The following NELL1 variants were observed in gnomAD, a reference collection of about 807,000 sequenced individuals.
NELL1 encodes protein kinase C-binding protein NELL1.
Under a neutral mutation model 107.4 loss-of-function variants are expected in NELL1, and 76 were observed. The observed-to-expected ratio is 0.71, with a 90% CI of 0.59 to 0.86. The LOEUF is 0.86. Among genes scored for constraint, NELL1 ranks in the 40% least tolerant of loss-of-function variants. The pLI is 0.00. For missense variants in NELL1, 1,024 were observed against 1,005.5 expected, an observed-to-expected ratio of 1.02 and a Z score of -0.25; for synonymous variants, 353 against 341.2, an observed-to-expected ratio of 1.03 and a Z score of -0.38.
At chr11:21,289,513 C>T (rs1388524196) in intron 14 of NELL1, among the ~76,000 whole-genome samples, 1 of 152,224 alleles carries the variant, frequency 6.6e-6, no homozygotes, top group Admixed American at 6.5e-5. Flanking sequence ...GTCTTCGCAA[C>T]TTGCAGACCA....
chr11:21,561,863 C>T (rs953030877), intron 17 of NELL1, among the ~76,000 whole-genome samples: 1 of 151,922 alleles, frequency 6.6e-6, no homozygotes, highest in African/African-American at 2.4e-5. Context: ...ACTCAAAGGG[C>T]AAAAATTTTT....
intron 14 of NELL1, among the ~76,000 whole-genome samples, chr11:21,266,055 C>A (rs1181080314): frequency 6.6e-6 from 1 of 151,976 alleles, no homozygotes; most frequent in African/African-American, 2.4e-5. Context: ...CTGCTACTAG[C>A]CCCTCCTTAA....
chr11:21,137,675 T>C (rs541247401), intron 13 of NELL1, among the ~76,000 whole-genome samples: 2 of 152,064 alleles, frequency 1.3e-5, no homozygotes, highest in Non-Finnish European at 2.9e-5. Context: ...GAAGGCTAGA[T>C]GGGAAAGCAG....
rs139931971 is a variant in NELL1 at position 20,735,042 on chromosome 11, G to A, written c.185-48638G>A. On this transcript the variant is annotated intron_variant, in intron 2 of 19. Coordinates refer to ENST00000357134, the MANE Select transcript of NELL1 (RefSeq NM_006157.5). The stretch of plus-strand genomic sequence containing the variant: ...TAGAGAGGAGGCCTAGACTGATCCC[G>A]GGATCTCTAGCAATTAGTATTAGGA... Among the ~76,000 whole-genome samples the A allele has an allele frequency of 9.3e-3, 1,410 of 152,196 alleles. 14 individuals carry two copies. Among genetic ancestry groups the A allele is most frequent in the Admixed American group, 0.019 (293 of 15,276 alleles).
At chr11:20,880,440 G>T (rs1864338) in intron 4 of NELL1, among the ~76,000 whole-genome samples, 128,123 of 152,248 alleles carry the variant, frequency 0.84, 53,964 homozygotes, top group East Asian at 0.92. Context: ...ATATCCTTAT[G>T]TTTTAAATGA....
intron 12 of NELL1, among the ~76,000 whole-genome samples, chr11:20,984,316 A>G (rs1266573580): frequency 6.6e-6 from 1 of 152,152 alleles, no homozygotes; most frequent in Non-Finnish European, 1.5e-5. Context: ...AAAATGGAAG[A>G]TCTCTGAAGC....
intron 3 of NELL1, among the ~76,000 whole-genome samples, chr11:20,843,796 C>T (rs977595343): frequency 3.3e-5 from 5 of 151,444 alleles, no homozygotes; most frequent in Admixed American, 3.3e-4. Context: ...AATTATTGTT[C>T]CTGAATTTAT....
chr11:20,928,843 G>C lies in NELL1; in HGVS notation c.997+364G>C, dbSNP rs138611142. On this transcript the variant is annotated intron_variant, in intron 9 of 19. Coordinates refer to ENST00000357134, the MANE Select transcript of NELL1 (RefSeq NM_006157.5). The stretch of plus-strand genomic sequence containing the variant: ...AGGCTTTAGTCCCCTCATTCTAAAT[G>C]ATCAAGTTAAAGGCCAAATTCTGTA... Among the ~76,000 whole-genome samples, 3 of 152,270 alleles carry C rather than the reference G, an allele frequency of 2.0e-5. No homozygotes were observed. The East Asian group carries it at 5.8e-4, about 29-fold the overall frequency.
intron 15 of NELL1, among the ~76,000 whole-genome samples, chr11:21,426,355 A>G (rs1295897682): frequency 2.6e-5 from 4 of 152,226 alleles, no homozygotes; most frequent in Admixed American, 2.0e-4. Flanking sequence ...CATACAATAT[A>G]TAGTGGCTGA....
At chr11:21,284,328 G>A (rs1849064455) in intron 14 of NELL1, 1 of 457,342 alleles carries the variant, frequency 2.2e-6, no homozygotes, top group South Asian at 1.5e-5. Context: ...GAGCATGAGA[G>A]TGTGAAAGGA....
chr11:21,561,406 C>T (rs967026115), intron 17 of NELL1, among the ~76,000 whole-genome samples: 3 of 152,198 alleles, frequency 2.0e-5, no homozygotes, highest in Admixed American at 1.3e-4. Flanking sequence ...ACCTAGTTTC[C>T]CACACTCCAA....
In NELL1 at chr11:21,102,260, T is replaced by A. The variant is rs569977416; in HGVS notation, c.1301-11329T>A. Among the ~76,000 whole-genome samples, 4 of 152,354 alleles carry A rather than the reference T, an allele frequency of 2.6e-5. No individual in the cohort carries two copies. In the East Asian group the frequency reaches 5.8e-4, roughly 22 times the overall value. On this transcript the variant is annotated intron_variant, in intron 12 of 19. Coordinates refer to ENST00000357134, the MANE Select transcript of NELL1 (RefSeq NM_006157.5). ...TCCCATGAAATTTTATTACCAGAGA[T>A]ACACTATCTGTTCATGAGCATGGCC...
intron 11 of NELL1, among the ~76,000 whole-genome samples, chr11:20,952,775 A>T (rs1273452660): frequency 3.3e-5 from 5 of 152,214 alleles, no homozygotes. Context: ...TGAAGCTTCC[A>T]AAAGGAGGCA....
At chr11:21,422,719 C>T (rs186720146) in intron 15 of NELL1, among the ~76,000 whole-genome samples, 87 of 151,750 alleles carry the variant, frequency 5.7e-4, no homozygotes, top group African/African-American at 2.0e-3. Flanking sequence ...AATTAATACC[C>T]TAAACTACAA....
chr11:20,994,177 T>C (rs1002989314), intron 12 of NELL1, among the ~76,000 whole-genome samples: 2 of 152,204 alleles, frequency 1.3e-5, no homozygotes, highest in Non-Finnish European at 2.9e-5. Context: ...AGGATTTGAA[T>C]GCCAGGTTTG....
intron 17 of NELL1, among the ~76,000 whole-genome samples, chr11:21,560,743 A>G (rs1418787783): frequency 6.6e-6 from 1 of 152,026 alleles, no homozygotes; most frequent in Non-Finnish European, 1.5e-5. Flanking sequence ...GATTAAAACT[A>G]CTCTTTGCCT....
intron 3 of NELL1, among the ~76,000 whole-genome samples, chr11:20,838,797 A>T (rs965040721): frequency 6.6e-6 from 1 of 152,150 alleles, no homozygotes; most frequent in Non-Finnish European, 1.5e-5. Context: ...TTTGGTCATT[A>T]GTACAATTAC....
At chr11:20,912,720 A>G (rs1345889957) in intron 5 of NELL1, among the ~76,000 whole-genome samples, 2 of 152,162 alleles carry the variant, frequency 1.3e-5, no homozygotes, top group African/African-American at 4.8e-5. Flanking sequence ...CTGAGGTGTC[A>G]CTGGGAAGTG....
In NELL1 at chr11:21,170,079, A is replaced by C. The variant is rs961385816; in HGVS notation, c.1426+56365A>C. The C allele has an allele frequency of 6.3e-5, 65 of 1,036,012 alleles. 2 individuals are homozygous for C. In the African/African-American group the frequency reaches 9.6e-4, roughly 15 times the overall value. 64.2% of individuals were successfully genotyped at this position (1,036,012 alleles called of 1,614,324 possible). ...CCTGAACCCAGCCTCTTGGAGTCCA[A>C]GTTCTTTGAACAAAAGGATGTGGAG... On this transcript the variant is annotated intron_variant, in intron 13 of 19. Transcript: ENST00000357134.
Sources: gnomAD v4.1 joint callset for allele counts (sites outside exome capture counted in the v4.1 genomes callset) on GRCh38, gnomAD v4.1.1 for gene constraint, MANE v1.5 for transcripts, NCBI Gene and HGNC (gene_info 2026-07-23, HGNC 2026-07-21) for gene names.